Variants in NTM observed in about 807,000 individuals in gnomAD.
NTM encodes IgLON family member 2.
A neutral mutation model predicts 42.1 loss-of-function variants in NTM; 13 were observed. The ratio of observed to expected loss-of-function variants is 0.31; its 90% CI spans 0.20 to 0.49. The LOEUF (loss-of-function observed/expected upper bound fraction) is 0.49. Ranked by LOEUF, NTM falls within the 20% of genes least tolerant of loss-of-function variation. NTM has a pLI of 0.99. For missense variants in NTM, 373 were observed against 452.8 expected (o/e 0.82, Z 1.60); for synonymous variants, 187 against 179.2 (o/e 1.04, Z -0.35).
intron 2 of NTM, among the ~76,000 whole-genome samples, chr11:132,042,212 G>A (rs1428275647): frequency 6.6e-6 from 1 of 152,178 alleles, no homozygotes; most frequent in East Asian, 1.9e-4. Flanking sequence ...TAGAGGAGGT[G>A]TTTTGCTTTG....
At chr11:131,495,351 G>A (rs528359797) in intron 1 of NTM, among the ~76,000 whole-genome samples, 1 of 152,276 alleles carries the variant, frequency 6.6e-6, no homozygotes, top group African/African-American at 2.4e-5. Flanking sequence ...TTTGCAGATT[G>A]CGTGTTTTTG....
intron 1 of NTM, among the ~76,000 whole-genome samples, chr11:131,583,038 C>T (rs1041376698): frequency 6.6e-6 from 1 of 152,230 alleles, no homozygotes; most frequent in Admixed American, 6.5e-5. Context: ...TCTTTTCACA[C>T]ACGGGTAGCG....
chr11:132,114,538 G>A (rs1033832662), intron 2 of NTM, among the ~76,000 whole-genome samples: 17 of 152,088 alleles, frequency 1.1e-4, no homozygotes, highest in African/African-American at 3.9e-4. Flanking sequence ...TTTTTCCTTT[G>A]CTGCCTGCCT....
chr11:131,911,360 G>T, intron 1 of NTM: 1 of 1,532,036 alleles, frequency 6.5e-7, no homozygotes, highest in Admixed American at 2.0e-5. Flanking sequence ...CGCGCCTCCC[G>T]GTCGCCGCGG....
At chr11:131,896,914 T>G (rs541566961) in intron 1 of NTM, 8 of 152,332 alleles carry the variant, frequency 5.3e-5, no homozygotes, top group Admixed American at 4.6e-4. Flanking sequence ...GGTCTCGATC[T>G]CCTGACCTCG....
At chr11:132,066,875 C>T (rs1191098478) in intron 2 of NTM, among the ~76,000 whole-genome samples, 2 of 152,168 alleles carry the variant, frequency 1.3e-5, no homozygotes, top group Non-Finnish European at 2.9e-5. Context: ...ACCCCCACCC[C>T]AACCTCCTCC....
intron 1 of NTM, among the ~76,000 whole-genome samples, chr11:131,901,721 T>C (rs1436681633): frequency 1.3e-5 from 2 of 152,246 alleles, no homozygotes; most frequent in Non-Finnish European, 2.9e-5. Flanking sequence ...TGACACCTTG[T>C]CAAAACTGTT....
At chr11:131,624,618 T>C (rs1290962826) in intron 1 of NTM, among the ~76,000 whole-genome samples, 1 of 152,206 alleles carries the variant, frequency 6.6e-6, no homozygotes, top group African/African-American at 2.4e-5. Context: ...TGGCCACTCA[T>C]AGTGTTGTAT....
At chr11:131,484,899 T>C (rs1953995961) in intron 1 of NTM, among the ~76,000 whole-genome samples, 1 of 152,124 alleles carries the variant, frequency 6.6e-6, no homozygotes, top group Admixed American at 6.5e-5. Context: ...AACATAAGCA[T>C]TGAAATCAGA....
At chr11:131,670,391 T>C (rs789514) in intron 1 of NTM, among the ~76,000 whole-genome samples, 121,625 of 151,804 alleles carry the variant, frequency 0.8, 48,988 homozygotes, top group African/African-American at 0.88. Context: ...TTCTTTCTTT[T>C]TCTTTCTTTC....
intron 1 of NTM, chr11:131,537,971 A>C (rs2052546470): frequency 6.6e-6 from 1 of 152,318 alleles, no homozygotes; most frequent in Non-Finnish European, 1.5e-5. Flanking sequence ...TCGGGCCGGG[A>C]GGAATTCATG....
chr11:131,848,536 C>T (rs1352702328), intron 1 of NTM, among the ~76,000 whole-genome samples: 1 of 152,206 alleles, frequency 6.6e-6, no homozygotes, highest in Non-Finnish European at 1.5e-5. Flanking sequence ...TCCCATGAAA[C>T]ATTCATGCTT....
intron 1 of NTM, among the ~76,000 whole-genome samples, chr11:131,500,012 TG>T (rs1242327730): frequency 6.6e-6 from 1 of 152,236 alleles, no homozygotes; most frequent in Non-Finnish European, 1.5e-5. Flanking sequence ...CTGCAAATGC[TG>T]GGTGCAGTGT....
chr11:132,317,273 T>C (rs2095453514), intron 7 of NTM, among the ~76,000 whole-genome samples: 1 of 152,198 alleles, frequency 6.6e-6, no homozygotes, highest in African/African-American at 2.4e-5. Context: ...CTGAATTTGG[T>C]GTCCTAAGAT....
chr11:131,741,298 T>A lies in NTM; in HGVS notation c.83-170266T>A, dbSNP rs112062078. On this transcript the variant is annotated intron_variant, in intron 1 of 8. Coordinates refer to ENST00000683400, the MANE Select transcript of NTM (RefSeq NM_001352005.2). ...GGGGCTGGGTTTGGTTGGAAGGAGA[T>A]AAGTGGAGGAGGGCAGGATGAGGGC... is the stretch of plus-strand genomic sequence containing the variant. Among the ~76,000 whole-genome samples the A allele has an allele frequency of 3.5e-3, 533 of 151,934 alleles. 6 individuals carry two copies. Among genetic ancestry groups the A allele is most frequent in the African/African-American group, 0.012 (511 of 41,414 alleles).
intron 1 of NTM, among the ~76,000 whole-genome samples, chr11:131,728,086 G>A (rs1307354309): frequency 6.6e-6 from 1 of 152,152 alleles, no homozygotes; most frequent in Non-Finnish European, 1.5e-5. Flanking sequence ...CATTAGTATA[G>A]TGGAATGTAA....
intron 4 of NTM, among the ~76,000 whole-genome samples, chr11:132,272,053 A>G (rs1273311450): frequency 6.6e-6 from 1 of 152,116 alleles, no homozygotes; most frequent in Admixed American, 6.5e-5. Flanking sequence ...TTTTGTATTT[A>G]GTATGTAGTA....
chr11:132,195,789 T>C (rs1345984043), intron 3 of NTM, among the ~76,000 whole-genome samples: 1 of 152,182 alleles, frequency 6.6e-6, no homozygotes, highest in Non-Finnish European at 1.5e-5. Context: ...TCTTTTACCA[T>C]ATACAAAATT....
At chr11:132,268,613 C>CTGTGTG (rs148055985) in intron 4 of NTM, among the ~76,000 whole-genome samples, 10 of 146,646 alleles carry the variant, frequency 6.8e-5, no homozygotes, top group Non-Finnish European at 1.5e-4. Flanking sequence ...GTGGTCTCCT[C>CTGTGTG]TGTGTGTGTG....
Sources: allele counts gnomAD v4.1 joint callset (sites outside exome capture counted in the v4.1 genomes callset), GRCh38; gene constraint gnomAD v4.1.1; transcripts MANE v1.5; gene names NCBI Gene and HGNC (gene_info 2026-07-23, HGNC 2026-07-21).